PCDHGA1: variants seen among roughly 807,000 people sequenced by gnomAD.
The protein encoded by PCDHGA1 is protocadherin gamma subfamily A, 1.
PCDHGA1 carries 32 observed loss-of-function variants against 58.0 expected under a neutral mutation model. That is an observed-to-expected ratio of 0.55 (90% confidence interval 0.42 to 0.74). PCDHGA1 has a LOEUF of 0.74. Among genes scored for constraint, PCDHGA1 ranks in the 30% least tolerant of loss-of-function variants. PCDHGA1 has a pLI of 0.00. For synonymous variants in PCDHGA1, 498 were observed against 501.1 expected, an observed-to-expected ratio of 0.99 and a Z score of 0.08; for missense variants, 1,205 against 1,182.3, an observed-to-expected ratio of 1.02 and a Z score of -0.28.
Position 141,392,866 on chromosome 5 carries a change from C to T in PCDHGA1, c.2421+59761C>T, listed in dbSNP as rs1000509941. The stretch of plus-strand genomic sequence containing the variant: ...CGCGGCGAGCTGATCCTGCTGTGCG[C>T]GCTGCTGGGAACGCTGTGGGAAATC... On this transcript the variant is annotated intron_variant, in intron 1 of 3. Transcript: ENST00000517417. 7 of 1,612,962 alleles carry T rather than the reference C, an allele frequency of 4.3e-6. No individual in the cohort carries two copies. The highest frequency in any genetic ancestry group is 3.3e-4 in the Middle Eastern group (2 of 6,060).
At chr5:141,350,925 C>T in intron 1 of PCDHGA1, 1 of 1,614,094 alleles carries the variant, frequency 6.2e-7, no homozygotes, top group South Asian at 1.1e-5. Context: ...CTAAGCGGCA[C>T]CACCCATATC....
chr5:141,346,818 C>T (rs1757810674), intron 1 of PCDHGA1, among the ~76,000 whole-genome samples: 3 of 152,174 alleles, frequency 2.0e-5, no homozygotes, highest in African/African-American at 7.2e-5. Context: ...GGTTTGTATA[C>T]CTGTGATAAA....
chr5:141,476,146 G>C lies in PCDHGA1; in HGVS notation c.2422-18661G>C. 1 of 1,611,402 alleles carries C rather than the reference G, an allele frequency of 6.2e-7. No individual in the cohort carries two copies. On this transcript the variant is annotated intron_variant, in intron 1 of 3. Transcript: ENST00000517417. This position sits in a 1 kb window ranked among gnomAD's most constrained non-coding sequence, Gnocchi z 7.6. ...TCCCAGAGGCCTGGAGGAGCGGACT[G>C]GTAAGCACCGGGAGGGTAGTGGGAG...
chr5:141,509,155 C>G (rs981661695), intron 3 of PCDHGA1, among the ~76,000 whole-genome samples: 3 of 152,202 alleles, frequency 2.0e-5, no homozygotes, highest in Non-Finnish European at 4.4e-5. Flanking sequence ...GCTCTCCCCT[C>G]CCGTGTGCCC....
chr5:141,379,097 A>G (rs1775367339), intron 1 of PCDHGA1: 1 of 152,260 alleles, frequency 6.6e-6, no homozygotes, highest in Non-Finnish European at 1.5e-5. Context: ...ATGTGTAAGA[A>G]AAAAGCAATT....
chr5:141,480,694 G>A (rs1446014656), intron 1 of PCDHGA1, among the ~76,000 whole-genome samples: 1 of 152,128 alleles, frequency 6.6e-6, no homozygotes, highest in Non-Finnish European at 1.5e-5. Flanking sequence ...TGAAACCCAG[G>A]CCACACCCCG....
intron 1 of PCDHGA1, among the ~76,000 whole-genome samples, chr5:141,484,774 C>T (rs1269490742): frequency 6.6e-6 from 1 of 151,782 alleles, no homozygotes; most frequent in Non-Finnish European, 1.5e-5. Context: ...ATGTTGTCTG[C>T]CTCCCCACAG....
At chr5:141,361,580 G>C in intron 1 of PCDHGA1, 1 of 1,614,034 alleles carries the variant, frequency 6.2e-7, no homozygotes, top group African/African-American at 1.3e-5. Flanking sequence ...CCTGACTTGG[G>C]CCCCAGTGGC....
chr5:141,418,776 C>G (rs763308217), intron 1 of PCDHGA1: 1 of 1,613,806 alleles, frequency 6.2e-7, no homozygotes, highest in East Asian at 2.2e-5. Flanking sequence ...ACTCAGCAGC[C>G]TTTGGATTTT....
At chr5:141,336,537 A>G (rs1756623756) in intron 1 of PCDHGA1, among the ~76,000 whole-genome samples, 1 of 152,238 alleles carries the variant, frequency 6.6e-6, no homozygotes, top group African/African-American at 2.4e-5. Flanking sequence ...GAAGGAGCCA[A>G]AAGGCAAACA....
chr5:141,335,596 G>T (rs1193452113), intron 1 of PCDHGA1, among the ~76,000 whole-genome samples: 1 of 152,090 alleles, frequency 6.6e-6, no homozygotes, highest in African/African-American at 2.4e-5. Context: ...ACATAAAGAA[G>T]ATTTGAACAA....
intron 1 of PCDHGA1, chr5:141,340,547 C>A: frequency 6.2e-7 from 1 of 1,614,224 alleles, no homozygotes; most frequent in Non-Finnish European, 8.5e-7. Context: ...TGAGCAGTTG[C>A]GAGACTTGCA....
chr5:141,337,446 AG>A (rs1756682678), intron 1 of PCDHGA1, among the ~76,000 whole-genome samples: 2 of 152,232 alleles, frequency 1.3e-5, no homozygotes, highest in East Asian at 1.9e-4. Context: ...AGCCTTAAAA[AG>A]GAAGGGAATT....
chr5:141,511,485 C>T lies in PCDHGA1; in HGVS notation c.*312C>T, dbSNP rs1324849800. 1.8e-5 allele frequency: 8 copies of T among 453,300 alleles called. No individual in the cohort carries two copies. The highest frequency in any genetic ancestry group is 1.2e-4 in the African/African-American group (6 of 50,332). The allele number at this position is 453,300 out of a possible 1,614,324, so 28.1% of individuals were successfully genotyped here. A position where few individuals can be genotyped will look rare whatever the true frequency, so the allele number is the denominator to read the frequency against. On this transcript the variant is annotated 3_prime_UTR_variant, in exon 4 of 4. Coordinates refer to ENST00000517417, the MANE Select transcript of PCDHGA1 (RefSeq NM_018912.3). Reference sequence around the variant, plus strand: ...ACCCCGTTTAGTTACAGCTGAACTCCTCCATCTTCCAAATCAATCAGGCCC... The same window carrying T: ...ACCCCGTTTAGTTACAGCTGAACTCTTCCATCTTCCAAATCAATCAGGCCC...
At chr5:141,428,021 C>A (rs1185050109) in intron 1 of PCDHGA1, 2 of 1,605,604 alleles carry the variant, frequency 1.2e-6, no homozygotes, top group Non-Finnish European at 1.7e-6. Flanking sequence ...TGCCACGCGC[C>A]GCAGAGTCCG....
chr5:141,375,819 C>T, intron 1 of PCDHGA1: 2 of 1,614,190 alleles, frequency 1.2e-6, no homozygotes, highest in Admixed American at 1.7e-5. Context: ...GAGCTGGCGC[C>T]CCGCTCCGCA....
At chr5:141,387,911 C>G (rs2091149943) in intron 1 of PCDHGA1, 8 of 1,495,982 alleles carry the variant, frequency 5.3e-6, no homozygotes, top group Non-Finnish European at 7.1e-6. Flanking sequence ...GGGAGCTGGG[C>G]CGGGCTGAGA....
Position 141,415,576 on chromosome 5 carries a change from T to C in PCDHGA1, c.2422-79231T>C, listed in dbSNP as rs182127695. 9.5e-5 allele frequency: 153 copies of C among 1,614,182 alleles called. No individual in the cohort carries two copies. The Admixed American group carries it at 1.6e-3, about 17-fold the overall frequency. Reference sequence around the variant, plus strand: ...CGATCCTTTGTCTTTGTTAGATGATTCGAAGTTTCCTATAGAGGATACCCC... The same window carrying C: ...CGATCCTTTGTCTTTGTTAGATGATCCGAAGTTTCCTATAGAGGATACCCC... On this transcript the variant is annotated intron_variant, in intron 1 of 3. Transcript: ENST00000517417.
At chr5:141,446,767 G>T (rs891355909) in intron 1 of PCDHGA1, among the ~76,000 whole-genome samples, 1 of 152,118 alleles carries the variant, frequency 6.6e-6, no homozygotes, top group African/African-American at 2.4e-5. Flanking sequence ...GCGCCCAGCC[G>T]GTTACCATTC....
Sources: allele counts gnomAD v4.1 joint callset (sites outside exome capture counted in the v4.1 genomes callset), GRCh38; gene constraint gnomAD v4.1.1; non-coding constraint Gnocchi (gnomAD v3.1); transcripts MANE v1.5; gene names NCBI Gene and HGNC (gene_info 2026-07-23, HGNC 2026-07-21).